The following C13orf42 variants were observed in gnomAD, a reference collection of about 807,000 sequenced individuals.
C13orf42 encodes the protein chromosome 13 open reading frame 42.
In C13orf42 at chr13:51,106,346, C is replaced by T. The variant is rs138807834; in HGVS notation, c.414+4450G>A. Among the ~76,000 whole-genome samples, 449 of 152,274 alleles carry T rather than the reference C, an allele frequency of 2.9e-3. 3 individuals carry two copies. Among genetic ancestry groups the T allele is most frequent in the Non-Finnish European group, 3.9e-3 (266 of 68,024 alleles). ...TGACGCAGCTGCCTCCCTAATGACT[C>T]TCCCTGGCCCAGGTGTGCAGGATAA... On this transcript the variant is annotated intron_variant, in intron 1 of 3. Coordinates refer to ENST00000563710, the MANE Select transcript of C13orf42 (RefSeq NM_001351589.3).
intron 1 of C13orf42, among the ~76,000 whole-genome samples, chr13:51,143,372 CA>C (rs1185344252): frequency 1.3e-5 from 2 of 152,100 alleles, no homozygotes; most frequent in South Asian, 2.1e-4. Flanking sequence ...TTATTAATGT[CA>C]AAGGCACATT....
intron 1 of C13orf42, among the ~76,000 whole-genome samples, chr13:51,168,700 T>C (rs1243386539): frequency 6.6e-6 from 1 of 152,206 alleles, no homozygotes; most frequent in Non-Finnish European, 1.5e-5. Context: ...TTTGAATGTC[T>C]GTCCCCACCC....
chr13:51,116,070 T>TA (rs575782502), upstream of C13orf42, among the ~76,000 whole-genome samples: 21,565 of 140,402 alleles, frequency 0.15, 1,822 homozygotes, highest in African/African-American at 0.26. Flanking sequence ...AAACCTCTAA[T>TA]AAAAAAAAAA....
Position 51,128,827 on chromosome 13 carries a change from A to G in C13orf42, n.137-15605T>C, listed in dbSNP as rs569323377. Among the ~76,000 whole-genome samples, 5 of 152,346 alleles carry G rather than the reference A, an allele frequency of 3.3e-5. No homozygotes were observed. In the East Asian group the frequency reaches 9.6e-4, roughly 29 times the overall value. ...TAGTCACAAACCTTTTGGAAGGCCG[A>G]AAGGTTACATAGCTTGTAATAACTG... is the stretch of plus-strand genomic sequence containing the variant. On this transcript the variant is annotated intron_variant and non_coding_transcript_variant, in intron 1 of 4. Transcript: ENST00000433280.
chr13:51,111,701 A>G (rs1266056810), upstream of C13orf42, among the ~76,000 whole-genome samples: 1 of 152,154 alleles, frequency 6.6e-6, no homozygotes, highest in Non-Finnish European at 1.5e-5. Context: ...TCTGAATCCA[A>G]AATGAAATTC....
At position 51,082,940 on chromosome 13, in the gene C13orf42, GAAC is replaced by G. The variant is rs1953079219; in HGVS notation, c.*1208_*1210del. 1 of 152,162 alleles carries G rather than the reference GAAC, an allele frequency of 6.6e-6. No homozygotes were observed. The highest frequency in any genetic ancestry group is 2.4e-5 in the African/African-American group (1 of 41,428). The allele number at this position is 152,162 out of a possible 1,614,324, so 9.4% of individuals were successfully genotyped here. On this transcript the variant is annotated 3_prime_UTR_variant, in exon 4 of 4. Coordinates refer to ENST00000563710, the MANE Select transcript of C13orf42 (RefSeq NM_001351589.3). ...AACAAAAGGTTCTTCCTAAAAAATG[GAAC>G]AATAAGAATATCATCCCACAGGCAT...
At chr13:51,147,862 A>T (rs531566556) in intron 1 of C13orf42, among the ~76,000 whole-genome samples, 8 of 152,210 alleles carry the variant, frequency 5.3e-5, no homozygotes, top group Non-Finnish European at 8.8e-5. Flanking sequence ...CAGAACCTCC[A>T]GCAGGGAGGA....
chr13:51,160,190 G>A (rs764790901), intron 1 of C13orf42, among the ~76,000 whole-genome samples: 11 of 152,232 alleles, frequency 7.2e-5, no homozygotes, highest in Non-Finnish European at 7.3e-5. Context: ...GTCACACAGT[G>A]TGGGGTGACA....
chr13:51,149,252 T>C (rs1953760705), intron 1 of C13orf42, among the ~76,000 whole-genome samples: 2 of 147,660 alleles, frequency 1.4e-5, no homozygotes, highest in East Asian at 2.0e-4. Context: ...GAAGGCTGCT[T>C]AGAAATTTTA....
intron 1 of C13orf42, among the ~76,000 whole-genome samples, chr13:51,133,837 C>T (rs922118605): frequency 1.3e-5 from 2 of 152,178 alleles, no homozygotes; most frequent in East Asian, 3.9e-4. Context: ...TGATACCAGA[C>T]ATCTGGAAAC....
At chr13:51,090,751 T>C (rs760200684) in intron 1 of C13orf42, among the ~76,000 whole-genome samples, 1 of 152,196 alleles carries the variant, frequency 6.6e-6, no homozygotes, top group Non-Finnish European at 1.5e-5. Context: ...AGAGTCAATG[T>C]TGGTGTCTTA....
At chr13:51,165,645 G>C (rs931295328) in intron 1 of C13orf42, among the ~76,000 whole-genome samples, 3 of 152,206 alleles carry the variant, frequency 2.0e-5, no homozygotes, top group African/African-American at 7.2e-5. Context: ...TGATGGTGTA[G>C]ATAGGTCATG....
At position 51,141,098 on chromosome 13, in the gene C13orf42, GT is replaced by G. The variant is rs1251854356; in HGVS notation, n.137-27877del. 8.6e-4 allele frequency among the ~76,000 whole-genome samples: 66 copies of G among 76,458 alleles called. 1 individual carries two copies. The highest frequency in any genetic ancestry group is 2.9e-3 in the South Asian group (6 of 2,090). 50.2% of individuals were successfully genotyped at this position (76,458 alleles called of 152,430 possible). Reference sequence around the variant, plus strand: ...TAAAAGGCTAACATCGAAGGGAGGTGTGTGTGTGTGTGTGTGTGTGTGTGTG... The same window carrying G: ...TAAAAGGCTAACATCGAAGGGAGGTGGTGTGTGTGTGTGTGTGTGTGTGTG... On this transcript the variant is annotated intron_variant and non_coding_transcript_variant, in intron 1 of 4. Transcript: ENST00000433280.
intron 1 of C13orf42, among the ~76,000 whole-genome samples, chr13:51,116,616 G>A (rs1048473067): frequency 1.3e-5 from 2 of 152,244 alleles, no homozygotes; most frequent in Non-Finnish European, 2.9e-5. Context: ...ATGGAATTGT[G>A]AGAAAATTCC....
chr13:51,167,983 G>A (rs9285176), intron 1 of C13orf42, among the ~76,000 whole-genome samples: 51,101 of 152,016 alleles, frequency 0.34, 8,823 homozygotes, highest in East Asian at 0.56. Flanking sequence ...GTGTATGTCC[G>A]GCCAGAAGAT....
intron 1 of C13orf42, among the ~76,000 whole-genome samples, chr13:51,152,410 C>T (rs1003776925): frequency 3.3e-5 from 5 of 152,186 alleles, no homozygotes; most frequent in South Asian, 2.1e-4. Flanking sequence ...TGCAGTGGCA[C>T]GAACCTGGCT....
At chr13:51,144,679 C>T (rs1429518145) in intron 1 of C13orf42, among the ~76,000 whole-genome samples, 1 of 152,116 alleles carries the variant, frequency 6.6e-6, no homozygotes, top group Non-Finnish European at 1.5e-5. Context: ...GGGTTTGTGA[C>T]CTGTGGTAAG....
Position 51,111,131 on chromosome 13 carries a change from C to T in C13orf42, c.79G>A (p.Ala27Thr), listed in dbSNP as rs995330409. The stretch of plus-strand genomic sequence containing the variant: ...CGAATCAGCTTCACTGCGGGGCTGG[C>T]TCCTTCGTAGAAGGGGCTCTCGGCC... The part of the protein sequence containing the change: ...TAAESPFYEG[A>T]SPAVKLIRSS... The change falls in exon 1 of 4, where the codon GCC becomes ACC. Residue 27 changes from alanine (A) to threonine (T), a missense_variant. Coordinates refer to ENST00000563710, the MANE Select transcript of C13orf42 (RefSeq NM_001351589.3). 2 of 398,554 alleles carry T rather than the reference C, an allele frequency of 5.0e-6. No homozygotes were observed. The highest frequency in any genetic ancestry group is 8.8e-6 in the Non-Finnish European group (2 of 226,104). 24.7% of individuals were successfully genotyped at this position (398,554 alleles called of 1,614,324 possible).
At chr13:51,114,651 T>TAGACAGACAGAC (rs59801187), upstream of C13orf42, among the ~76,000 whole-genome samples, 3 of 142,378 alleles carry the variant, frequency 2.1e-5, no homozygotes, top group Non-Finnish European at 4.7e-5. Flanking sequence ...TAGATAGAGA[T>TAGACAGACAGAC]AGACAGACAG....
Sources: allele counts gnomAD v4.1 joint callset (sites outside exome capture counted in the v4.1 genomes callset), GRCh38; gene constraint gnomAD v4.1.1; transcripts MANE v1.5; gene names NCBI Gene and HGNC (gene_info 2026-07-23, HGNC 2026-07-21).